Variants in LONRF2 observed in about 807,000 individuals in gnomAD.
LONRF2 encodes the protein LON peptidase N-terminal domain and RING finger protein 2.
A neutral mutation model predicts 66.6 loss-of-function variants in LONRF2; 35 were observed. The ratio of observed to expected loss-of-function variants is 0.53; its 90% CI spans 0.40 to 0.70. The LOEUF is 0.70. Among genes scored for constraint, LONRF2 ranks in the 30% least tolerant of loss-of-function variants. The pLI, the probability that LONRF2 is intolerant of heterozygous loss-of-function variation, is 0.00. For missense variants in LONRF2, 902 were observed against 1,002.1 expected, an observed-to-expected ratio of 0.90 and a Z score of 1.35; for synonymous variants, 417 against 418.1, an observed-to-expected ratio of 1.00 and a Z score of 0.03.
chr2:100,302,525 G>T (rs1675204743), intron 3 of LONRF2, among the ~76,000 whole-genome samples: 1 of 152,214 alleles, frequency 6.6e-6, no homozygotes, highest in Non-Finnish European at 1.5e-5. Flanking sequence ...TAAAAGAGCA[G>T]GTATTTCTGC....
intron 1 of LONRF2, among the ~76,000 whole-genome samples, chr2:100,312,778 A>G (rs1404734115): frequency 6.6e-6 from 1 of 152,250 alleles, no homozygotes; most frequent in Non-Finnish European, 1.5e-5. Flanking sequence ...GTCTTTTAAA[A>G]CACATAAAAT....
At chr2:100,316,012 T>C (rs964255556) in intron 1 of LONRF2, among the ~76,000 whole-genome samples, 5 of 152,112 alleles carry the variant, frequency 3.3e-5, no homozygotes, top group African/African-American at 4.8e-5. Flanking sequence ...ATTTTCATTA[T>C]CATTCAGGCA....
Position 100,280,923 on chromosome 2 carries a change from A to C in LONRF2, c.*3375T>G, listed in dbSNP as rs1326372989. The C allele has an allele frequency of 2.6e-5, 4 of 152,238 alleles. No homozygotes were observed. Among genetic ancestry groups the C allele is most frequent in the African/African-American group, 4.8e-5 (2 of 41,462 alleles). 9.4% of individuals were successfully genotyped at this position (152,238 alleles called of 1,614,324 possible). On this transcript the variant is annotated 3_prime_UTR_variant, in exon 12 of 12. Coordinates refer to ENST00000393437, the MANE Select transcript of LONRF2 (RefSeq NM_198461.4). Reference sequence around the variant, plus strand: ...ATTTGCTATCACCTTTCTTCTTCATATCTTTCACACTTCTTCTTATTTGAT... The same window carrying C: ...ATTTGCTATCACCTTTCTTCTTCATCTCTTTCACACTTCTTCTTATTTGAT...
intron 1 of LONRF2, among the ~76,000 whole-genome samples, chr2:100,317,618 C>G (rs914912507): frequency 6.6e-6 from 1 of 152,118 alleles, no homozygotes; most frequent in Non-Finnish European, 1.5e-5. Context: ...AAGACTTTCC[C>G]TCAGTATATC....
rs1417867276 is a variant in LONRF2 at position 100,321,773 on chromosome 2, G to A, written c.321C>T (p.Gly107=). The A allele has an allele frequency of 9.6e-7, 1 of 1,040,836 alleles. No homozygotes were observed. Among genetic ancestry groups the A allele is most frequent in the Non-Finnish European group, 1.2e-6 (1 of 868,608 alleles). 64.5% of individuals were successfully genotyped at this position (1,040,836 alleles called of 1,614,324 possible). A position where few individuals can be genotyped will look rare whatever the true frequency, so the allele number is the denominator to read the frequency against. Residue 107 remains glycine, a synonymous_variant, in exon 1 of 12, where the codon GGC becomes GGT. Coordinates refer to ENST00000393437, the MANE Select transcript of LONRF2 (RefSeq NM_198461.4). ...ELAGGLVRAV[G]LRDRPLSAEN... The stretch of plus-strand genomic sequence containing the variant: ...CCGCGGACAGCGGCCGGTCGCGCAG[G>A]CCCACGGCGCGCACCAGGCCGCCCG...
rs149406878 is a variant in LONRF2, at chr2:100,318,114, T to A, written c.679+3301A>T. On this transcript the variant is annotated intron_variant, in intron 1 of 11. Transcript: ENST00000393437. ...AATTTCATCGATGTTGGAACTTTTG[T>A]CTGTGTCTCACATAACTCCCATGCT... Among the ~76,000 whole-genome samples the A allele has an allele frequency of 1.4e-3, 214 of 152,342 alleles. 3 individuals are homozygous for A. The highest frequency in any genetic ancestry group is 5.0e-3 in the African/African-American group (206 of 41,590).
rs1381810942 is a variant in LONRF2 at position 100,273,653 on chromosome 2, C to T, written c.*10645G>A. The T allele has an allele frequency of 6.6e-6, 1 of 152,154 alleles. No individual in the cohort carries two copies. The highest frequency in any genetic ancestry group is 6.5e-5 in the Admixed American group (1 of 15,278). The allele number at this position is 152,154 out of a possible 1,614,324, so 9.4% of individuals were successfully genotyped here. On this transcript the variant is annotated 3_prime_UTR_variant, in exon 12 of 12. Coordinates refer to ENST00000393437, the MANE Select transcript of LONRF2 (RefSeq NM_198461.4). ...CAGAAACAGAAGGCCAGATGAGTGACCTGTATCACAGGATATGACAACACA... is the reference window on the plus strand; with the variant it reads ...CAGAAACAGAAGGCCAGATGAGTGATCTGTATCACAGGATATGACAACACA...
rs771144603 is a variant in LONRF2 at position 100,321,629 on chromosome 2, C to G, written c.465G>C (p.Thr155=). 1.4e-6 allele frequency: 2 copies of G among 1,480,500 alleles called. No homozygotes were observed. Among genetic ancestry groups the G allele is most frequent in the South Asian group, 2.6e-5 (2 of 77,950 alleles). The allele number at this position is 1,480,500 out of a possible 1,614,324, so 91.7% of individuals were successfully genotyped here. The change falls in exon 1 of 12, where the codon ACG becomes ACC. Residue 155 remains threonine (T), a synonymous_variant. Transcript: ENST00000393437. ...TGCAGACTGTGAGCCCGCAGGGCAG[C>G]GTCACCGGCTTATGCAGCAGCCGCC... ...RCRRLLHKPV[T]LPCGLTVCKR...
At chr2:100,284,691 C>A (rs929101449) in intron 11 of LONRF2, among the ~76,000 whole-genome samples, 199 bp from the exon 12 acceptor site, 1 of 152,220 alleles carries the variant, frequency 6.6e-6, no homozygotes. Context: ...GGGGAACTCA[C>A]AAAAGGAAGA....
intron 1 of LONRF2, among the ~76,000 whole-genome samples, chr2:100,313,830 T>C (rs1313377922): frequency 6.6e-6 from 1 of 152,216 alleles, no homozygotes; most frequent in Non-Finnish European, 1.5e-5. Flanking sequence ...TAAATGGATA[T>C]TTATAAATGG....
rs139872087 is a variant in LONRF2, at chr2:100,306,575, T to C, written c.798+2532A>G. Among the ~76,000 whole-genome samples the C allele has an allele frequency of 3.8e-3, 586 of 152,342 alleles. 9 individuals are homozygous for C. Among genetic ancestry groups the C allele is most frequent in the African/African-American group, 0.014 (566 of 41,584 alleles). ...AAATGGGCAAATATTTTGCTGGCAA[T>C]GGATTATCTCCAGTTGCTCCAAAAG... On this transcript the variant is annotated intron_variant, in intron 2 of 11. Transcript: ENST00000393437.
In LONRF2 at chr2:100,300,540, CT is replaced by C. The variant is rs1675164120; in HGVS notation, c.1065+103del. The C allele has an allele frequency of 2.1e-5, 24 of 1,160,296 alleles. No homozygotes were observed. The East Asian group carries it at 4.1e-4, about 20-fold the overall frequency. 71.9% of individuals were successfully genotyped at this position (1,160,296 alleles called of 1,614,324 possible). On this transcript the variant is annotated intron_variant, in intron 4 of 11. Transcript: ENST00000393437. The stretch of plus-strand genomic sequence containing the variant: ...AACTGGTCTTGAGAAATATGTCTAA[CT>C]AACATAATGCCATAATGTGTGAATA...
At chr2:100,311,357 G>A (rs201347832) in intron 1 of LONRF2, among the ~76,000 whole-genome samples, 2 of 150,678 alleles carry the variant, frequency 1.3e-5, no homozygotes, top group African/African-American at 4.9e-5. Flanking sequence ...AGGAGATTTG[G>A]AAAAAAAAAT....
chr2:100,294,442 T>C lies in LONRF2; in HGVS notation c.1599-55A>G. 5 of 1,474,078 alleles carry C rather than the reference T, an allele frequency of 3.4e-6. No homozygotes were observed. The South Asian group carries it at 7.4e-5, about 22-fold the overall frequency. 91.3% of individuals were successfully genotyped at this position (1,474,078 alleles called of 1,614,324 possible). On this transcript the variant is annotated intron_variant, in intron 8 of 11. Coordinates refer to ENST00000393437, the MANE Select transcript of LONRF2 (RefSeq NM_198461.4). ...ATGTATGAGCTGTTAGATCAGAGGGTGGTACTGGCCACCAAAACAGCAAAA... is the reference window on the plus strand; with the variant it reads ...ATGTATGAGCTGTTAGATCAGAGGGCGGTACTGGCCACCAAAACAGCAAAA...
At chr2:100,299,036 A>G in intron 6 of LONRF2, 86 bp from the exon 7 acceptor site, 1 of 1,066,718 alleles carries the variant, frequency 9.4e-7, no homozygotes, top group Admixed American at 1.8e-5. Flanking sequence ...TCCTTATGCA[A>G]TCCCCTTTCT....
rs1478855380 is a variant in LONRF2 at position 100,277,142 on chromosome 2, A to G, written c.*7156T>C. Reference sequence around the variant, plus strand: ...AACAACCTCTATAATCAAACCTTAAAATCCATGGGCACTCCTGTTGGTGCC... The same window carrying G: ...AACAACCTCTATAATCAAACCTTAAGATCCATGGGCACTCCTGTTGGTGCC... On this transcript the variant is annotated 3_prime_UTR_variant, in exon 12 of 12. Coordinates refer to ENST00000393437, the MANE Select transcript of LONRF2 (RefSeq NM_198461.4). 1.3e-5 allele frequency: 2 copies of G among 152,094 alleles called. No homozygotes were observed. The highest frequency in any genetic ancestry group is 4.8e-5 in the African/African-American group (2 of 41,410). The allele number at this position is 152,094 out of a possible 1,614,324, so 9.4% of individuals were successfully genotyped here.
intron 1 of LONRF2, among the ~76,000 whole-genome samples, chr2:100,316,308 G>A: frequency 1.1e-5 from 1 of 86,986 alleles, no homozygotes; most frequent in African/African-American, 7.6e-5. Context: ...AACAGAGCGA[G>A]ACTCCATCTC....
Position 100,299,751 on chromosome 2 carries a change from A to G in LONRF2, c.1233T>C (p.Pro411=), listed in dbSNP as rs2105724751. The change falls in exon 5 of 12, where the codon CCT becomes CCC. Residue 411 remains proline, a synonymous_variant. Coordinates refer to ENST00000393437, the MANE Select transcript of LONRF2 (RefSeq NM_198461.4). Reference sequence around the variant, plus strand: ...GAATTTTTCCAGGGGCGTTCAGGTCAGGTGCATCCTCCACGTCATCCGGAA... The same window carrying G: ...GAATTTTTCCAGGGGCGTTCAGGTCGGGTGCATCCTCCACGTCATCCGGAA... ...RQFPDDVEDA[P]DLNAPGKIPK... 1 of 1,614,120 alleles carries G rather than the reference A, an allele frequency of 6.2e-7. No homozygotes were observed. The highest frequency in any genetic ancestry group is 8.5e-7 in the Non-Finnish European group (1 of 1,180,010).
intron 1 of LONRF2, among the ~76,000 whole-genome samples, chr2:100,319,642 T>C (rs535930108): frequency 3.3e-5 from 5 of 152,376 alleles, no homozygotes; most frequent in Admixed American, 1.3e-4. Context: ...CTTAACATTA[T>C]GTTTGTGAGA....
Sources: gnomAD v4.1 joint callset for allele counts (sites outside exome capture counted in the v4.1 genomes callset) on GRCh38, gnomAD v4.1.1 for gene constraint, MANE v1.5 for transcripts, NCBI Gene and HGNC (gene_info 2026-07-23, HGNC 2026-07-21) for gene names.